The following ADGRA3 variants were observed in gnomAD, a reference collection of about 807,000 sequenced individuals.
ADGRA3 encodes the protein adhesion G protein-coupled receptor A3.
ADGRA3 carries 56 observed loss-of-function variants against 119.8 expected under a neutral mutation model. The ratio of observed to expected loss-of-function variants is 0.47; its 90% CI spans 0.38 to 0.58. ADGRA3 has a LOEUF of 0.58. Ranked by LOEUF, ADGRA3 falls within the 20% of genes least tolerant of loss-of-function variation. ADGRA3 has a pLI of 0.00. For missense variants in ADGRA3, 1,516 were observed against 1,649.0 expected, an observed-to-expected ratio of 0.92 and a Z score of 1.40; for synonymous variants, 607 against 623.8, an observed-to-expected ratio of 0.97 and a Z score of 0.40.
chr4:22,484,708 T>C (rs1383318635), intron 1 of ADGRA3, among the ~76,000 whole-genome samples: 2 of 151,086 alleles, frequency 1.3e-5, no homozygotes, highest in Non-Finnish European at 2.9e-5. Context: ...GTGACAGAGG[T>C]GCTAAGGAAG....
chr4:22,454,983 AAAG>A, intron 3 of ADGRA3, 46 bp from the exon 4 acceptor site: 1 of 1,363,236 alleles, frequency 7.3e-7, no homozygotes, highest in African/African-American at 1.4e-5. Flanking sequence ...TCTCTTGGTT[AAAG>A]AAGGTCTCAT....
At chr4:22,418,564 C>T (rs888378616) in intron 12 of ADGRA3, among the ~76,000 whole-genome samples, 7 of 152,002 alleles carry the variant, frequency 4.6e-5, no homozygotes, top group African/African-American at 1.7e-4. Flanking sequence ...TTTGCTGTTG[C>T]TGGATAAAAG....
intron 8 of ADGRA3, among the ~76,000 whole-genome samples, chr4:22,437,223 C>T (rs944548782): frequency 6.6e-6 from 1 of 152,138 alleles, no homozygotes; most frequent in African/African-American, 2.4e-5. Context: ...ACCTAATCTA[C>T]ATAAAAGACT....
intron 2 of ADGRA3, among the ~76,000 whole-genome samples, chr4:22,468,523 C>G (rs1717744167): frequency 6.6e-6 from 1 of 152,096 alleles, no homozygotes; most frequent in Non-Finnish European, 1.5e-5. Flanking sequence ...AATCCCAGCA[C>G]TTTGGGAGGC....
chr4:22,458,182 T>C (rs536090257), intron 3 of ADGRA3, among the ~76,000 whole-genome samples: 1 of 152,280 alleles, frequency 6.6e-6, no homozygotes, highest in African/African-American at 2.4e-5. Context: ...TCTTAGCCCC[T>C]ACACTTTTGC....
At chr4:22,487,655 T>G (rs192812879) in intron 1 of ADGRA3, among the ~76,000 whole-genome samples, 6 of 152,082 alleles carry the variant, frequency 3.9e-5, no homozygotes. Flanking sequence ...CACTACACCA[T>G]TGTCACCAAC....
chr4:22,509,940 G>A (rs1210067603), intron 1 of ADGRA3, among the ~76,000 whole-genome samples: 4 of 150,542 alleles, frequency 2.7e-5, no homozygotes, highest in Non-Finnish European at 5.9e-5. Flanking sequence ...AACCCGGGAG[G>A]CGGAGCTTGC....
At chr4:22,467,058 T>G (rs1249525823) in intron 2 of ADGRA3, among the ~76,000 whole-genome samples, 1 of 152,146 alleles carries the variant, frequency 6.6e-6, no homozygotes. Flanking sequence ...CATTTCCATT[T>G]CTCCATAAAA....
In ADGRA3 at chr4:22,387,747, G is replaced by T; in HGVS notation, c.3924C>A (p.Gly1308=). ...GTTTCCATAATCCAGTCCTAACATT[G>T]CCAGTGCTATCGGTACCGAGCAAGG... The part of the protein sequence containing the change: ...EGPLLGTDST[G]NVRTGLWKHE... Residue 1308 remains glycine, a synonymous_variant, in exon 19 of 19, where the codon GGC becomes GGA. Transcript: ENST00000334304. 1 of 1,613,440 alleles carries T rather than the reference G, an allele frequency of 6.2e-7. No homozygotes were observed. The highest frequency in any genetic ancestry group is 8.5e-7 in the Non-Finnish European group (1 of 1,179,658).
chr4:22,456,773 T>C (rs185380693), intron 3 of ADGRA3, among the ~76,000 whole-genome samples: 1 of 152,332 alleles, frequency 6.6e-6, no homozygotes, highest in East Asian at 1.9e-4. Flanking sequence ...AGAGGCCTAA[T>C]ACAGCACCTT....
chr4:22,480,787 A>T (rs567407932), intron 1 of ADGRA3, among the ~76,000 whole-genome samples: 1 of 152,326 alleles, frequency 6.6e-6, no homozygotes, highest in South Asian at 2.1e-4. Context: ...GTCTATCTAC[A>T]AAATGAAATA....
At chr4:22,511,874 C>T (rs557564127) in intron 1 of ADGRA3, among the ~76,000 whole-genome samples, 14 of 145,472 alleles carry the variant, frequency 9.6e-5, no homozygotes, top group African/African-American at 3.0e-4. Context: ...GTTTTCTTCA[C>T]AGTTATATTT....
chr4:22,390,757 A>T (rs1210316309), intron 17 of ADGRA3, among the ~76,000 whole-genome samples: 2 of 152,040 alleles, frequency 1.3e-5, no homozygotes, highest in Non-Finnish European at 1.5e-5. Context: ...TGCAAAGAGG[A>T]TACTTGTGTG....
intron 1 of ADGRA3, among the ~76,000 whole-genome samples, chr4:22,495,320 T>A (rs1206847913): frequency 6.6e-6 from 1 of 152,046 alleles, no homozygotes; most frequent in Admixed American, 6.5e-5. Flanking sequence ...ACACCTATAA[T>A]CCCAGCACAT....
At chr4:22,399,712 C>T (rs1307330712) in intron 16 of ADGRA3, among the ~76,000 whole-genome samples, 1 of 152,176 alleles carries the variant, frequency 6.6e-6, no homozygotes, top group Non-Finnish European at 1.5e-5. Context: ...TAATACCACA[C>T]TGGTTTCATT....
chr4:22,513,845 C>CAAAAAAAAAAAAAAAAAAAAAAAA (rs59015584), intron 1 of ADGRA3, among the ~76,000 whole-genome samples: 4 of 31,482 alleles, frequency 1.3e-4, no homozygotes, highest in African/African-American at 3.9e-4. Context: ...AGCTTTCAGG[C>CAAAAAAAAAAAAAAAAAAAAAAAA]AAAAAAAAAA....
chr4:22,410,078 A>G (rs745973063), intron 14 of ADGRA3, among the ~76,000 whole-genome samples: 2 of 152,200 alleles, frequency 1.3e-5, no homozygotes, highest in African/African-American at 4.8e-5. Flanking sequence ...ATAAAATGAC[A>G]TATTAAGATG....
chr4:22,441,769 A>C (rs1186934309), intron 7 of ADGRA3, among the ~76,000 whole-genome samples: 1 of 152,198 alleles, frequency 6.6e-6, no homozygotes. Context: ...GAAAGGATTT[A>C]AAGCATCTAC....
At chr4:22,392,988 G>T (rs1347493185) in intron 16 of ADGRA3, 6 of 218,428 alleles carry the variant, frequency 2.7e-5, no homozygotes, top group South Asian at 1.5e-4. Flanking sequence ...CCAAAAGTGT[G>T]TTTTTCATAG....
Sources: allele counts gnomAD v4.1 joint callset (sites outside exome capture counted in the v4.1 genomes callset), GRCh38; gene constraint gnomAD v4.1.1; transcripts MANE v1.5; gene names NCBI Gene and HGNC (gene_info 2026-07-23, HGNC 2026-07-21).